PDIA5: variants seen among roughly 807,000 people sequenced by gnomAD.
The protein encoded by PDIA5 is protein disulfide-isomerase A5.
PDIA5 carries 58 observed loss-of-function variants against 77.6 expected under a neutral mutation model. The ratio of observed to expected loss-of-function variants is 0.75; its 90% confidence interval spans 0.61 to 0.93. The LOEUF is 0.93. PDIA5 is among the 40% of genes least tolerant of loss of function. PDIA5 has a pLI of 0.00. For synonymous variants in PDIA5, 250 were observed against 252.1 expected, an observed-to-expected ratio of 0.99 and a Z score of 0.08; for missense variants, 630 against 647.7, an observed-to-expected ratio of 0.97 and a Z score of 0.30.
Position 123,162,093 on chromosome 3 carries a change from T to C in PDIA5, c.*133T>C, listed in dbSNP as rs1032554947. 3.9e-5 allele frequency: 26 copies of C among 665,092 alleles called. No individual in the cohort carries two copies. The highest frequency in any genetic ancestry group is 3.3e-4 in the African/African-American group (18 of 54,744). The allele number at this position is 665,092 out of a possible 1,614,324, so 41.2% of individuals were successfully genotyped here. On this transcript the variant is annotated 3_prime_UTR_variant, in exon 17 of 17. Transcript: ENST00000316218. The stretch of plus-strand genomic sequence containing the variant: ...CATTTTGTACAATTTTGAAATAAAA[T>C]TAAACCATTTATTTGGTGGTATGGT...
rs375030194 is a variant in PDIA5 at position 123,152,701 on chromosome 3, C to T, written c.1274-2270C>T. Among the ~76,000 whole-genome samples the T allele has an allele frequency of 3.9e-5, 6 of 152,292 alleles. No homozygotes were observed. The East Asian group carries it at 9.6e-4, about 24-fold the overall frequency. ...CTAGCTGCCTCACCCCAACATCTTA[C>T]CTCCCCTCACATCTCTCCACCTCCC... On this transcript the variant is annotated intron_variant, in intron 14 of 16. Transcript: ENST00000316218.
chr3:123,120,296 C>T (rs1226697471), intron 8 of PDIA5, among the ~76,000 whole-genome samples: 2 of 152,220 alleles, frequency 1.3e-5, no homozygotes, highest in East Asian at 1.9e-4. Context: ...AGATCTTGGT[C>T]CAAGCTCCTT....
intron 3 of PDIA5, among the ~76,000 whole-genome samples, chr3:123,101,906 C>CCTTTTTTTTTTTTTT (rs1553798314): frequency 1.4e-5 from 1 of 71,378 alleles, no homozygotes; most frequent in Non-Finnish European, 2.4e-5. Context: ...TTCTTTCTTG[C>CCTTTTTTTTTTTTTT]TTTTTTTTTT....
At chr3:123,098,230 G>A (rs554860690) in intron 3 of PDIA5, among the ~76,000 whole-genome samples, 11 of 152,242 alleles carry the variant, frequency 7.2e-5, no homozygotes, top group South Asian at 6.2e-4. Flanking sequence ...TAAGGGTCCC[G>A]CCAGAGGTCG....
chr3:123,071,295 G>T (rs979881451), intron 1 of PDIA5, among the ~76,000 whole-genome samples: 4 of 152,164 alleles, frequency 2.6e-5, no homozygotes, highest in African/African-American at 9.7e-5. Flanking sequence ...CAGATCTGCT[G>T]AATGTAAATC....
chr3:123,083,771 T>C (rs1326670405), intron 1 of PDIA5, among the ~76,000 whole-genome samples: 1 of 152,204 alleles, frequency 6.6e-6, no homozygotes, highest in Non-Finnish European at 1.5e-5. Context: ...TTATGAAGTC[T>C]GCAGTAAGGC....
chr3:123,087,282 G>A (rs1362417905), intron 1 of PDIA5, among the ~76,000 whole-genome samples: 1 of 152,052 alleles, frequency 6.6e-6, no homozygotes, highest in Non-Finnish European at 1.5e-5. Flanking sequence ...CTAAGTAGTT[G>A]GAACTGCAGG....
intron 7 of PDIA5, among the ~76,000 whole-genome samples, chr3:123,111,514 CA>C (rs1309084796): frequency 6.6e-6 from 1 of 152,242 alleles, no homozygotes; most frequent in African/African-American, 2.4e-5. Flanking sequence ...GATTTGGGCT[CA>C]GTCCCTGTAT....
chr3:123,135,973 T>C (rs1213739774), intron 11 of PDIA5, among the ~76,000 whole-genome samples: 2 of 152,038 alleles, frequency 1.3e-5, no homozygotes, highest in Non-Finnish European at 2.9e-5. Context: ...TTTCTTTTCT[T>C]TTTTTAGAGA....
intron 6 of PDIA5, among the ~76,000 whole-genome samples, chr3:123,109,899 G>A (rs1012358590): frequency 5.3e-5 from 8 of 152,124 alleles, no homozygotes; most frequent in South Asian, 2.1e-4. Flanking sequence ...CCTCTTTATC[G>A]GTTTTAATGA....
At chr3:123,111,084 G>C (rs1934852486) in intron 7 of PDIA5, 80 bp downstream of exon 7, 1 of 954,910 alleles carries the variant, frequency 1.0e-6, no homozygotes, top group East Asian at 2.5e-5. Flanking sequence ...GTTGCGGGCG[G>C]GGTCTGGGGG....
Position 123,142,995 on chromosome 3 carries a change from G to A in PDIA5, c.911-2527G>A, listed in dbSNP as rs542301803. ...TATTTAATTAGGTCTCTTCATTGCTGACCAGTAAATATTTATCATGTATCT... is the reference window on the plus strand; with the variant it reads ...TATTTAATTAGGTCTCTTCATTGCTAACCAGTAAATATTTATCATGTATCT... On this transcript the variant is annotated intron_variant, in intron 11 of 16. Transcript: ENST00000316218. Among the ~76,000 whole-genome samples, 8 of 152,154 alleles carry A rather than the reference G, an allele frequency of 5.3e-5. No individual in the cohort carries two copies. The East Asian group carries it at 1.5e-3, about 29-fold the overall frequency.
At chr3:123,071,573 A>G (rs1294724856) in intron 1 of PDIA5, among the ~76,000 whole-genome samples, 2 of 152,234 alleles carry the variant, frequency 1.3e-5, no homozygotes, top group Non-Finnish European at 2.9e-5. Flanking sequence ...CATTTCCCAC[A>G]GAAATAAACA....
At chr3:123,109,405 C>T (rs778064204) in intron 6 of PDIA5, among the ~76,000 whole-genome samples, 1 of 152,176 alleles carries the variant, frequency 6.6e-6, no homozygotes, top group Non-Finnish European at 1.5e-5. Flanking sequence ...CTTTTATCTA[C>T]AGAAATCCCA....
chr3:123,145,437 T>C lies in PDIA5; in HGVS notation c.911-85T>C, dbSNP rs1576462874. Reference sequence around the variant, plus strand: ...TTTCTCAGGTGTCTGGGAATGGGACTGAGCTGCCTTACAGAGGCGGCGCAG... The same window carrying C: ...TTTCTCAGGTGTCTGGGAATGGGACCGAGCTGCCTTACAGAGGCGGCGCAG... On this transcript the variant is annotated intron_variant, in intron 11 of 16. Transcript: ENST00000316218. 8 of 926,028 alleles carry C rather than the reference T, an allele frequency of 8.6e-6. No homozygotes were observed. The East Asian group carries it at 1.7e-4, about 20-fold the overall frequency. 57.4% of individuals were successfully genotyped at this position (926,028 alleles called of 1,614,324 possible).
chr3:123,153,426 G>A (rs139153674), intron 14 of PDIA5, among the ~76,000 whole-genome samples: 1 of 152,304 alleles, frequency 6.6e-6, no homozygotes, highest in Non-Finnish European at 1.5e-5. Flanking sequence ...TCCCTTTATA[G>A]TGTGACATTT....
intron 3 of PDIA5, among the ~76,000 whole-genome samples, chr3:123,094,456 AAGG>A (rs1934381707): frequency 6.6e-6 from 1 of 152,332 alleles, no homozygotes; most frequent in Admixed American, 6.5e-5. Flanking sequence ...ACTGTTAGAA[AAGG>A]AGATCTCCAA....
Position 123,158,490 on chromosome 3 carries a change from A to G in PDIA5, c.1345-2831A>G, listed in dbSNP as rs143662076. On this transcript the variant is annotated intron_variant, in intron 15 of 16. Transcript: ENST00000316218. ...GGAAGTGAGACACGAAAGGGGAGGAACCAAAGCAGGTGTTTTATGGGCAGA... is the reference window on the plus strand; with the variant it reads ...GGAAGTGAGACACGAAAGGGGAGGAGCCAAAGCAGGTGTTTTATGGGCAGA... 2.2e-3 allele frequency among the ~76,000 whole-genome samples: 333 copies of G among 152,248 alleles called. 1 individual carries two copies. The highest frequency in any genetic ancestry group is 6.6e-3 in the African/African-American group (275 of 41,544).
rs371943134 is a variant in PDIA5 at position 123,116,276 on chromosome 3, C to T, written c.587C>T (p.Ala196Val). 5.8e-5 allele frequency: 94 copies of T among 1,613,660 alleles called. No homozygotes were observed. The highest frequency in any genetic ancestry group is 1.7e-4 in the Admixed American group (10 of 60,028). ...ATGATGCCGCATTTCCAGAAGGCTG[C>T]GACTCAGCTGCGAGGCCACGCCGTA... ...KRMMPHFQKA[A>V]TQLRGHAVLA... Residue 196 changes from alanine to valine, a missense_variant, in exon 8 of 17, where the codon GCG becomes GTG. By Grantham distance (64) the Ala-to-Val change is moderately conservative (BLOSUM62 0). Transcript: ENST00000316218.
Sources: gnomAD v4.1 joint callset for allele counts (sites outside exome capture counted in the v4.1 genomes callset) on GRCh38, gnomAD v4.1.1 for gene constraint, MANE v1.5 for transcripts, NCBI Gene and HGNC (gene_info 2026-07-23, HGNC 2026-07-21) for gene names.